IFT25: variants seen among roughly 807,000 people sequenced by gnomAD.
IFT25 encodes the protein intraflagellar transport protein 25 homolog.
At chr1:53,912,806 C>A in the IFT25 span, among the ~76,000 whole-genome samples, 1 of 152,170 alleles carries the variant, frequency 6.6e-6, no homozygotes, top group Non-Finnish European at 1.5e-5. Flanking sequence ...AACAAAATCA[C>A]CTGGAGGGCT....
the IFT25 span, among the ~76,000 whole-genome samples, chr1:53,942,643 C>T: frequency 6.6e-6 from 1 of 152,186 alleles, no homozygotes; most frequent in Non-Finnish European, 1.5e-5. Context: ...TAACAGTGTA[C>T]TCTATCTGCC....
At chr1:53,940,226 G>A in the IFT25 span, 5 of 592,440 alleles carry the variant, frequency 8.4e-6, no homozygotes, top group East Asian at 2.8e-5. Flanking sequence ...ACATGTGGGA[G>A]GGACTCTAAC....
At chr1:53,928,601 C>T in the IFT25 span, 1 of 562,356 alleles carries the variant, frequency 1.8e-6, no homozygotes, top group Admixed American at 3.3e-5. Flanking sequence ...TCCAAAAAAC[C>T]CTATGGTAAA....
At chr1:53,944,368 G>A in the IFT25 span, among the ~76,000 whole-genome samples, 12 of 152,158 alleles carry the variant, frequency 7.9e-5, no homozygotes, top group East Asian at 2.3e-3. Context: ...AAATTAGCCG[G>A]ACCTGGTGGC....
chr1:53,931,039 T>G, the IFT25 span, among the ~76,000 whole-genome samples: 1 of 152,200 alleles, frequency 6.6e-6, no homozygotes, highest in Non-Finnish European at 1.5e-5. Context: ...TAACCAATAC[T>G]CCAATGAAAA....
the IFT25 span, among the ~76,000 whole-genome samples, chr1:53,941,523 T>A: frequency 6.6e-6 from 1 of 152,230 alleles, no homozygotes; most frequent in East Asian, 1.9e-4. Flanking sequence ...AATAAAAACA[T>A]ATATTTTAAT....
At chr1:53,938,411 A>G in the IFT25 span, among the ~76,000 whole-genome samples, 1 of 152,224 alleles carries the variant, frequency 6.6e-6, no homozygotes, top group African/African-American at 2.4e-5. Flanking sequence ...TAACAGAGGT[A>G]TATACCAAAT....
chr1:53,915,671 G>T, the IFT25 span, among the ~76,000 whole-genome samples: 1 of 152,180 alleles, frequency 6.6e-6, no homozygotes, highest in Non-Finnish European at 1.5e-5. Flanking sequence ...CCAGAGAAAG[G>T]CTTATTGAGA....
the IFT25 span, among the ~76,000 whole-genome samples, chr1:53,912,631 G>A: frequency 6.6e-6 from 1 of 152,186 alleles, no homozygotes; most frequent in African/African-American, 2.4e-5. Flanking sequence ...GGAGAAGATG[G>A]GAAGGGAGAA....
chr1:53,937,986 T>C, the IFT25 span, among the ~76,000 whole-genome samples: 2 of 152,232 alleles, frequency 1.3e-5, no homozygotes, highest in African/African-American at 4.8e-5. Context: ...TAACCTAGTG[T>C]AGCACAAAGA....
At chr1:53,936,306 C>T in the IFT25 span, among the ~76,000 whole-genome samples, 8 of 151,388 alleles carry the variant, frequency 5.3e-5, no homozygotes, top group South Asian at 6.3e-4. Flanking sequence ...AAAAATTAGT[C>T]GGACATGGTG....
the IFT25 span, among the ~76,000 whole-genome samples, chr1:53,939,309 T>C: frequency 6.6e-6 from 1 of 150,858 alleles, no homozygotes; most frequent in Non-Finnish European, 1.5e-5. Flanking sequence ...GAGAATCACT[T>C]GAACCTGGGA....
At chr1:53,933,819 G>A in the IFT25 span, among the ~76,000 whole-genome samples, 1 of 151,876 alleles carries the variant, frequency 6.6e-6, no homozygotes, top group Non-Finnish European at 1.5e-5. Context: ...GTTTCTGAGT[G>A]AATAATTTTT....
the IFT25 span, chr1:53,921,552 T>G: frequency 2.6e-6 from 2 of 764,130 alleles, no homozygotes; most frequent in East Asian, 5.0e-5. Context: ...AAATAAAAAC[T>G]GAAACAAATT....
At chr1:53,938,674 A>C in the IFT25 span, among the ~76,000 whole-genome samples, 2 of 152,244 alleles carry the variant, frequency 1.3e-5, no homozygotes, top group East Asian at 3.8e-4. Context: ...AAATAAACCC[A>C]TAAGTCCCGC....
At chr1:53,935,082 G>A in the IFT25 span, among the ~76,000 whole-genome samples, 1 of 152,228 alleles carries the variant, frequency 6.6e-6, no homozygotes, top group East Asian at 1.9e-4. Context: ...TTGGGAGGCT[G>A]ATGCAGGTGG....
the IFT25 span, among the ~76,000 whole-genome samples, chr1:53,926,581 C>G: frequency 6.6e-6 from 1 of 152,096 alleles, no homozygotes; most frequent in African/African-American, 2.4e-5. Flanking sequence ...TTGTCCCTGT[C>G]TTTTTTAATT....
the IFT25 span, among the ~76,000 whole-genome samples, chr1:53,937,110 C>G: frequency 7.9e-5 from 12 of 152,100 alleles, no homozygotes; most frequent in Non-Finnish European, 1.2e-4. Flanking sequence ...CAACTGTGAA[C>G]AGAAAATAAC....
the IFT25 span, among the ~76,000 whole-genome samples, chr1:53,941,149 C>G: frequency 6.6e-6 from 1 of 151,888 alleles, no homozygotes; most frequent in South Asian, 2.1e-4. Flanking sequence ...CAACAGCCAC[C>G]ACGCCCAGCT....
Sources: gnomAD v4.1 joint callset for allele counts (sites outside exome capture counted in the v4.1 genomes callset) on GRCh38, gnomAD v4.1.1 for gene constraint, MANE v1.5 for transcripts, NCBI Gene and HGNC (gene_info 2026-07-23, HGNC 2026-07-21) for gene names.